The following RAPGEF2 variants were observed in gnomAD, a reference collection of about 807,000 sequenced individuals.
RAPGEF2 encodes the protein PDZ domain containing guanine nucleotide exchange factor (GEF) 1.
In RAPGEF2, 54 loss-of-function variants were observed where a neutral mutation model predicts 186.7. That is an observed-to-expected ratio of 0.29 (90% CI 0.23 to 0.36). RAPGEF2 has a LOEUF of 0.36. RAPGEF2 is among the 10% of genes least tolerant of loss of function. The pLI is 1.00. For synonymous variants in RAPGEF2, 712 were observed against 705.9 expected, an observed-to-expected ratio of 1.01 and a Z score of -0.14; for missense variants, 1,532 against 2,045.0, an observed-to-expected ratio of 0.75 and a Z score of 4.84.
intron 4 of RAPGEF2, among the ~76,000 whole-genome samples, chr4:159,234,993 C>G (rs567423630): frequency 1.3e-5 from 2 of 152,278 alleles, no homozygotes; most frequent in South Asian, 4.1e-4. Context: ...CTCCTAACCT[C>G]AAGTGTTCTG....
intron 7 of RAPGEF2, among the ~76,000 whole-genome samples, chr4:159,275,056 T>C (rs1192334196): frequency 3.4e-5 from 1 of 29,470 alleles, no homozygotes; most frequent in African/African-American, 1.9e-4. Context: ...CTGTCTCTCG[T>C]GTGTGTGTGT....
chr4:159,305,969 A>G (rs1029171563), intron 8 of RAPGEF2, among the ~76,000 whole-genome samples: 2 of 152,052 alleles, frequency 1.3e-5, no homozygotes, highest in Admixed American at 6.6e-5. Context: ...GTTGGCTGTA[A>G]ATACGTGACT....
Position 159,332,628 on chromosome 4 carries a change from G to A in RAPGEF2, c.2066G>A (p.Gly689Glu). Residue 689 changes from glycine to glutamate, a missense_variant, in exon 17 of 30, where the codon GGA becomes GAA. By Grantham distance (98) the Gly-to-Glu change is moderately conservative. Transcript: ENST00000691494. ...VNKKSKANTV[G>E]GRNKLKKILD... Reference sequence around the variant, plus strand: ...AAAAAAAGTAAAGCCAACACTGTGGGAGGAAGGAACAAGCTGAAAAAGATA... The same window carrying A: ...AAAAAAAGTAAAGCCAACACTGTGGAAGGAAGGAACAAGCTGAAAAAGATA... 1 of 1,614,102 alleles carries A rather than the reference G, an allele frequency of 6.2e-7. No homozygotes were observed.
chr4:159,165,760 T>G (rs1477293480), intron 1 of RAPGEF2, among the ~76,000 whole-genome samples: 5 of 151,986 alleles, frequency 3.3e-5, no homozygotes, highest in Non-Finnish European at 7.4e-5. Context: ...GCCCAGCTAA[T>G]TTGTTTAGTT....
intron 3 of RAPGEF2, among the ~76,000 whole-genome samples, chr4:159,196,211 C>T (rs1340582682): frequency 6.6e-6 from 1 of 152,078 alleles, no homozygotes. Context: ...TTCCATGATC[C>T]TTAGACATGT....
intron 3 of RAPGEF2, among the ~76,000 whole-genome samples, chr4:159,201,680 C>T (rs970385376): frequency 6.6e-6 from 1 of 152,100 alleles, no homozygotes; most frequent in Non-Finnish European, 1.5e-5. Context: ...GAGGGGAACC[C>T]GCAGAATGTG....
chr4:159,238,769 T>C, intron 4 of RAPGEF2, 40 bp from the exon 5 acceptor site: 1 of 1,444,382 alleles, frequency 6.9e-7, no homozygotes, highest in Non-Finnish European at 9.2e-7. Flanking sequence ...CTTAAATCTC[T>C]GAGGTTCTCC....
At chr4:159,171,755 A>G (rs148884201) in intron 1 of RAPGEF2, among the ~76,000 whole-genome samples, 1 of 152,182 alleles carries the variant, frequency 6.6e-6, no homozygotes, top group Non-Finnish European at 1.5e-5. Context: ...GAAAGTTTTC[A>G]TAGAGAATAA....
At chr4:159,280,699 G>A (rs1331626908) in intron 7 of RAPGEF2, among the ~76,000 whole-genome samples, 2 of 152,184 alleles carry the variant, frequency 1.3e-5, no homozygotes, top group East Asian at 3.8e-4. Flanking sequence ...TGAACCCTGA[G>A]CCTGAGAACA....
chr4:159,181,181 T>A (rs911384564), intron 1 of RAPGEF2, among the ~76,000 whole-genome samples: 1 of 152,156 alleles, frequency 6.6e-6, no homozygotes, highest in Non-Finnish European at 1.5e-5. Flanking sequence ...TATCTTTGAT[T>A]TTTCTTGGGT....
intron 1 of RAPGEF2, among the ~76,000 whole-genome samples, chr4:159,123,637 G>C (rs143604726): frequency 1.3e-5 from 2 of 148,622 alleles, no homozygotes; most frequent in African/African-American, 5.0e-5. Context: ...TCCTACCTCA[G>C]CCTCCCGAGT....
chr4:159,343,537 GA>G, intron 22 of RAPGEF2, 133 bp downstream of exon 22: 1 of 1,179,080 alleles, frequency 8.5e-7, no homozygotes, highest in Non-Finnish European at 1.2e-6. Context: ...GATGTGCTGA[GA>G]ATCACCTGTG....
intron 1 of RAPGEF2, among the ~76,000 whole-genome samples, chr4:159,120,919 A>G (rs1028047296): frequency 3.1e-4 from 47 of 151,786 alleles, no homozygotes; most frequent in African/African-American, 1.1e-3. Flanking sequence ...CAGTGGCGCA[A>G]TCTTGGCTCA....
chr4:159,248,123 T>C (rs1754870672), intron 7 of RAPGEF2, among the ~76,000 whole-genome samples: 1 of 152,200 alleles, frequency 6.6e-6, no homozygotes, highest in African/African-American at 2.4e-5. Flanking sequence ...TTCTGATGAT[T>C]TGCTTTGTGG....
chr4:159,278,760 A>G (rs910804813), intron 7 of RAPGEF2, among the ~76,000 whole-genome samples: 1 of 152,220 alleles, frequency 6.6e-6, no homozygotes, highest in Non-Finnish European at 1.5e-5. Flanking sequence ...GTCTTTTAAC[A>G]TGGAATCTTC....
At chr4:159,184,448 A>G (rs2111287710) in intron 1 of RAPGEF2, among the ~76,000 whole-genome samples, 1 of 152,194 alleles carries the variant, frequency 6.6e-6, no homozygotes, top group Admixed American at 6.5e-5. Flanking sequence ...CTGGTGTGAG[A>G]TGGTATCTCA....
intron 8 of RAPGEF2, among the ~76,000 whole-genome samples, chr4:159,313,249 A>T (rs767442469): frequency 4.6e-5 from 7 of 152,256 alleles, no homozygotes; most frequent in Non-Finnish European, 1.0e-4. Flanking sequence ...CCACATTCAT[A>T]TTCAGTGAAT....
chr4:159,159,236 C>T (rs1744444101), intron 1 of RAPGEF2, among the ~76,000 whole-genome samples: 2 of 152,166 alleles, frequency 1.3e-5, no homozygotes, highest in Admixed American at 1.3e-4. Flanking sequence ...TTTGCATCAC[C>T]CTCCTTCCAT....
intron 7 of RAPGEF2, among the ~76,000 whole-genome samples, chr4:159,289,019 G>C (rs1760856302): frequency 6.6e-6 from 1 of 152,062 alleles, no homozygotes; most frequent in African/African-American, 2.4e-5. Context: ...TCTTCTTGTG[G>C]TATTGTCTCT....
Sources: allele counts gnomAD v4.1 joint callset (sites outside exome capture counted in the v4.1 genomes callset), GRCh38; gene constraint gnomAD v4.1.1; transcripts MANE v1.5; gene names NCBI Gene and HGNC (gene_info 2026-07-23, HGNC 2026-07-21).